Variants in TOP2B observed in about 807,000 individuals in gnomAD.
TOP2B encodes DNA topoisomerase II beta.
Under a neutral mutation model 193.5 loss-of-function variants are expected in TOP2B, and 51 were observed. The observed-to-expected ratio is 0.26, with a 90% CI of 0.21 to 0.33. The LOEUF (loss-of-function observed/expected upper bound fraction) is 0.33. Among genes scored for constraint, TOP2B ranks in the 10% least tolerant of loss-of-function variants. The pLI is 1.00. For synonymous variants in TOP2B, 634 were observed against 635.7 expected (o/e 1.00, Z 0.04); for missense variants, 1,378 against 1,909.3 (o/e 0.72, Z 5.19).
At position 25,598,226 on chromosome 3, in the gene TOP2B, A is replaced by G. The variant is rs1205229674; in HGVS notation, c.*81T>C. ...TTACATCATCACATTAAAATAAGCC[A>G]GATGTACAAAAGTCTGAGACAGAGA... is the stretch of plus-strand genomic sequence containing the variant. On this transcript the variant is annotated 3_prime_UTR_variant, in exon 36 of 36. Transcript: ENST00000264331. The G allele has an allele frequency of 7.2e-7, 1 of 1,391,830 alleles. No individual in the cohort carries two copies. Among genetic ancestry groups the G allele is most frequent in the Non-Finnish European group, 9.7e-7 (1 of 1,025,880 alleles). The allele number at this position is 1,391,830 out of a possible 1,614,324, so 86.2% of individuals were successfully genotyped here.
At chr3:25,618,162 T>C (rs2125361908) in intron 25 of TOP2B, 1 of 408,206 alleles carries the variant, frequency 2.4e-6, no homozygotes, top group Non-Finnish European at 4.4e-6. Context: ...TCAAGGAGAC[T>C]GAGCTACCTT....
chr3:25,612,795 T>A (rs903927189), intron 27 of TOP2B, 86 bp from the exon 28 acceptor site: 12 of 976,652 alleles, frequency 1.2e-5, no homozygotes, highest in Non-Finnish European at 1.8e-5. Flanking sequence ...AAACAAATGT[T>A]ATTCACTCAG....
chr3:25,607,144 A>G (rs1298412547), intron 31 of TOP2B, 27 bp downstream of exon 31: 1 of 1,609,916 alleles, frequency 6.2e-7, no homozygotes, highest in African/African-American at 1.3e-5. Flanking sequence ...AATTAACTAT[A>G]CCACATCACT....
Position 25,598,188 on chromosome 3 carries a change from A to G in TOP2B, c.*119T>C, listed in dbSNP as rs1447050045. The G allele has an allele frequency of 2.2e-5, 24 of 1,111,066 alleles. No homozygotes were observed. The highest frequency in any genetic ancestry group is 2.7e-5 in the Non-Finnish European group (21 of 789,612). 68.8% of individuals were successfully genotyped at this position (1,111,066 alleles called of 1,614,324 possible). A position where few individuals can be genotyped will look rare whatever the true frequency, so the allele number is the denominator to read the frequency against. ...ATGTTAAAAGGCCTACCACAATAAT[A>G]AAAAACCGTCAATTACATCATCACA... is the stretch of plus-strand genomic sequence containing the variant. On this transcript the variant is annotated 3_prime_UTR_variant, in exon 36 of 36. Coordinates refer to ENST00000264331, the MANE Select transcript of TOP2B (RefSeq NM_001330700.2).
intron 20 of TOP2B, 36 bp from the exon 21 acceptor site, chr3:25,623,782 C>A (rs973412717): frequency 7.0e-7 from 1 of 1,422,704 alleles, no homozygotes; most frequent in South Asian, 1.2e-5. Context: ...GAAAAAATGT[C>A]ATGGCTTTGG....
chr3:25,618,928 A>T (rs1206789879), intron 23 of TOP2B, 79 bp from the exon 24 acceptor site: 3 of 1,078,030 alleles, frequency 2.8e-6, no homozygotes, highest in Non-Finnish European at 3.9e-6. Flanking sequence ...ACAATACTTA[A>T]AATAACCATA....
intron 1 of TOP2B, among the ~76,000 whole-genome samples, chr3:25,660,759 ATATT>A (rs982629733): frequency 6.6e-6 from 1 of 152,204 alleles, no homozygotes; most frequent in Non-Finnish European, 1.5e-5. Flanking sequence ...TCTTTAAACA[ATATT>A]TAAATACATA....
chr3:25,628,960 T>G lies in TOP2B; in HGVS notation c.1801-8A>C, dbSNP rs2125375889. 2 of 1,590,914 alleles carry G rather than the reference T, an allele frequency of 1.3e-6. No individual in the cohort carries two copies. The highest frequency in any genetic ancestry group is 1.8e-5 in the Admixed American group (1 of 55,302). On this transcript the variant is annotated splice_region_variant and splice_polypyrimidine_tract_variant and intron_variant, in intron 14 of 35. Transcript: ENST00000264331. ...CTGCTTATTTTTGCTTGCCTTAAAT[T>G]AATTAAAAAACAAAATTAGTTTTTC...
intron 21 of TOP2B, among the ~76,000 whole-genome samples, chr3:25,621,454 T>A (rs997224642): frequency 1.3e-5 from 2 of 152,062 alleles, no homozygotes; most frequent in Admixed American, 1.3e-4. Flanking sequence ...CTCAACCACC[T>A]GGGCTCAAAG....
chr3:25,648,325 C>A (rs1170682277), intron 1 of TOP2B, among the ~76,000 whole-genome samples: 1 of 152,176 alleles, frequency 6.6e-6, no homozygotes. Flanking sequence ...AGGGAGCAGA[C>A]AGATGGACAG....
chr3:25,662,885 CA>C lies in TOP2B; in HGVS notation c.69+1343del, dbSNP rs1482690269. Among the ~76,000 whole-genome samples the C allele has an allele frequency of 6.8e-4, 103 of 152,302 alleles. 1 individual carries two copies. The highest frequency in any genetic ancestry group is 6.8e-3 in the Middle Eastern group (2 of 294). ...ATTTTCCGATGTCTGATTTTAGTGA[CA>C]GGGGTAAAAGCCATTAATTCTGAAA... is the stretch of plus-strand genomic sequence containing the variant. On this transcript the variant is annotated intron_variant, in intron 1 of 35. Transcript: ENST00000264331.
chr3:25,664,192 A>T (rs1249900806), intron 1 of TOP2B, 37 bp downstream of exon 1: 2 of 1,537,846 alleles, frequency 1.3e-6, no homozygotes, highest in Non-Finnish European at 1.7e-6. Context: ...CGGGCCCGGA[A>T]CAATGCAGCC....
At position 25,628,954 on chromosome 3, in the gene TOP2B, T is replaced by C; in HGVS notation, c.1801-2A>G. 1 of 1,591,846 alleles carries C rather than the reference T, an allele frequency of 6.3e-7. No homozygotes were observed. The highest frequency in any genetic ancestry group is 8.5e-7 in the Non-Finnish European group (1 of 1,171,220). Reference sequence around the variant, plus strand: ...AAGTTCCTGCTTATTTTTGCTTGCCTTAAATTAATTAAAAAACAAAATTAG... The same window carrying C: ...AAGTTCCTGCTTATTTTTGCTTGCCCTAAATTAATTAAAAAACAAAATTAG... On this transcript the variant is annotated splice_acceptor_variant, in intron 14 of 35. Coordinates refer to ENST00000264331, the MANE Select transcript of TOP2B (RefSeq NM_001330700.2). LOFTEE classifies it high-confidence loss of function.
chr3:25,651,276 G>A (rs1299557732), intron 1 of TOP2B, among the ~76,000 whole-genome samples: 1 of 151,938 alleles, frequency 6.6e-6, no homozygotes, highest in Non-Finnish European at 1.5e-5. Context: ...AACAAAGCAG[G>A]GGAGGGCAGA....
intron 9 of TOP2B, 37 bp from the exon 10 acceptor site, chr3:25,632,620 C>A: frequency 1.2e-6 from 2 of 1,603,738 alleles, no homozygotes; most frequent in Middle Eastern, 3.3e-4. Context: ...AATATCAGAG[C>A]TGATATTTAG....
In TOP2B at chr3:25,630,405, A is replaced by T. The variant is rs373737261; in HGVS notation, c.1470T>A (p.Ala490=). Residue 490 remains alanine (A), a synonymous_variant, in exon 12 of 36, where the codon GCT becomes GCA. Coordinates refer to ENST00000264331, the MANE Select transcript of TOP2B (RefSeq NM_001330700.2). ...LTEGDSAKSL[A]VSGLGVIGRD... Reference sequence around the variant, plus strand: ...GTCCAATCACACCTAATCCAGACACAGCCAGTGATTTGGCAGAGTCTCCCT... The same window carrying T: ...GTCCAATCACACCTAATCCAGACACTGCCAGTGATTTGGCAGAGTCTCCCT... The T allele has an allele frequency of 8.4e-6, 13 of 1,552,318 alleles. No homozygotes were observed. The Middle Eastern group carries it at 6.7e-4, about 79-fold the overall frequency.
intron 1 of TOP2B, among the ~76,000 whole-genome samples, chr3:25,648,884 C>A (rs1415745963): frequency 2.0e-5 from 3 of 151,876 alleles, no homozygotes; most frequent in Non-Finnish European, 4.4e-5. Context: ...AATAAATCAC[C>A]ACAAATTGAG....
At chr3:25,622,229 A>G (rs573511865) in intron 21 of TOP2B, among the ~76,000 whole-genome samples, 149 of 152,320 alleles carry the variant, frequency 9.8e-4, no homozygotes, top group Non-Finnish European at 1.8e-3. Context: ...CAAATACACT[A>G]TCTTAACAAT....
rs761704180 is a variant in TOP2B at position 25,632,534 on chromosome 3, G to C, written c.1178C>G (p.Thr393Ser). Residue 393 changes from threonine to serine, a missense_variant, in exon 10 of 36, where the codon ACT becomes AGT. Thr to Ser is a moderately conservative substitution (Grantham distance 58). This residue lies in a region of TOP2B where 222 missense variants were observed against 306.6 expected (regional missense o/e 0.72). Coordinates refer to ENST00000264331, the MANE Select transcript of TOP2B (RefSeq NM_001330700.2). Reference sequence around the variant, plus strand: ...GTTTTCCTTAGTCTGAGAATCAAAAGTTGGATTTTCAATAAGGCAATTAAT... The same window carrying C: ...GTTTTCCTTAGTCTGAGAATCAAAACTTGGATTTTCAATAAGGCAATTAAT... Reference protein sequence around the residue: ...VFINCLIENPTFDSQTKENMT... With the variant: ...VFINCLIENPSFDSQTKENMT... The C allele has an allele frequency of 6.3e-7, 1 of 1,590,210 alleles. No homozygotes were observed. Among genetic ancestry groups the C allele is most frequent in the Non-Finnish European group, 8.5e-7 (1 of 1,172,162 alleles).
Sources: allele counts gnomAD v4.1 joint callset (sites outside exome capture counted in the v4.1 genomes callset), GRCh38; gene constraint gnomAD v4.1.1; regional missense constraint gnomAD v4.1.1; transcripts MANE v1.5; gene names NCBI Gene and HGNC (gene_info 2026-07-23, HGNC 2026-07-21).